The following SLC9C1 variants were observed in gnomAD, a reference collection of about 807,000 sequenced individuals.
The protein encoded by SLC9C1 is solute carrier family 9 member C1.
Under a neutral mutation model 140.9 loss-of-function variants are expected in SLC9C1, and 97 were observed. The observed-to-expected ratio is 0.69, with a 90% CI of 0.58 to 0.82. The LOEUF (loss-of-function observed/expected upper bound fraction) is 0.82, where lower values mean the gene tolerates loss of function less well. SLC9C1 is among the 40% of genes least tolerant of loss of function. SLC9C1 has a pLI of 0.00. For synonymous variants in SLC9C1, 440 were observed against 442.6 expected, an observed-to-expected ratio of 0.99 and a Z score of 0.07; for missense variants, 1,340 against 1,389.3, an observed-to-expected ratio of 0.96 and a Z score of 0.56.
At chr3:112,232,072 T>C (rs561159869) in intron 12 of SLC9C1, among the ~76,000 whole-genome samples, 28 of 152,278 alleles carry the variant, frequency 1.8e-4, no homozygotes, top group African/African-American at 6.3e-4. Flanking sequence ...ATGCTCAAAA[T>C]TACAAAGCTA....
intron 28 of SLC9C1, among the ~76,000 whole-genome samples, chr3:112,150,864 G>A (rs1250651862): frequency 1.5e-5 from 2 of 130,526 alleles, no homozygotes; most frequent in Non-Finnish European, 3.1e-5. Context: ...TTGAGATGAA[G>A]TCTCACTCTG....
rs776780113 is a variant in SLC9C1 at position 112,204,294 on chromosome 3, T to C, written c.2096A>G (p.Lys699Arg). Reference sequence around the variant, plus strand: ...TACTTCAGTCTCATTAAAAATATACTTAATGGTGTCTATTTCAATAAGTAT... The same window carrying C: ...TACTTCAGTCTCATTAAAAATATACCTAATGGTGTCTATTTCAATAAGTAT... ...HVILIEIDTI[K>R]YIFNETEVIV... The change falls in exon 17 of 29, where the codon AAG becomes AGG. Residue 699 changes from lysine to arginine, a missense_variant. By Grantham distance (26) the Lys-to-Arg change is conservative (BLOSUM62 2). Coordinates refer to ENST00000305815, the MANE Select transcript of SLC9C1 (RefSeq NM_183061.3). 1.1e-5 allele frequency: 17 copies of C among 1,562,130 alleles called. No homozygotes were observed. The highest frequency in any genetic ancestry group is 1.5e-5 in the Non-Finnish European group (17 of 1,162,188).
intron 12 of SLC9C1, among the ~76,000 whole-genome samples, chr3:112,234,169 CCATCCTAAGTG>C (rs1279216351): frequency 6.6e-6 from 1 of 152,128 alleles, no homozygotes; most frequent in Non-Finnish European, 1.5e-5. Context: ...TTAATGATCG[CCATCCTAAGTG>C]GTATGAGATG....
In SLC9C1 at chr3:112,278,839, C is replaced by T. The variant is rs776718397; in HGVS notation, c.208G>A (p.Ala70Thr). Residue 70 changes from alanine (A) to threonine (T), a missense_variant, in exon 4 of 29, where the codon GCC (alanine) becomes ACC (threonine). Transcript: ENST00000305815. ...AAGTCTGGACTCATCCATTGTATGG[C>T]GTTTGCGTATCTTTGGACCTAATAT... ...TSSQVQRYAN[A>T]IQWMSPDLFF... 24 of 1,605,074 alleles carry T rather than the reference C, an allele frequency of 1.5e-5. No homozygotes were observed. The highest frequency in any genetic ancestry group is 5.6e-5 in the South Asian group (5 of 89,176).
intron 17 of SLC9C1, 42 bp downstream of exon 17, chr3:112,204,176 A>G (rs756570586): frequency 1.4e-6 from 2 of 1,410,208 alleles, no homozygotes; most frequent in African/African-American, 3.0e-5. Flanking sequence ...TTATGAAACA[A>G]TCAGTAGGAA....
At chr3:112,286,995 G>A in intron 1 of SLC9C1, 117 bp from the exon 2 acceptor site, 2 of 437,188 alleles carry the variant, frequency 4.6e-6, no homozygotes, top group Non-Finnish European at 4.0e-6. Context: ...CCAAATTTAG[G>A]GATGCCTCTC....
intron 16 of SLC9C1, among the ~76,000 whole-genome samples, chr3:112,207,769 A>G (rs1004206104): frequency 6.6e-6 from 1 of 152,178 alleles, no homozygotes; most frequent in African/African-American, 2.4e-5. Context: ...ACTATTCTGC[A>G]TAAGAAGCTC....
At chr3:112,141,779 A>C (rs1383014038) in intron 28 of SLC9C1, among the ~76,000 whole-genome samples, 2 of 152,200 alleles carry the variant, frequency 1.3e-5, no homozygotes, top group Non-Finnish European at 2.9e-5. Flanking sequence ...AAAATAAGAG[A>C]AGTGATCAAA....
intron 26 of SLC9C1, among the ~76,000 whole-genome samples, chr3:112,155,910 G>C (rs72944210): frequency 6.6e-6 from 1 of 151,992 alleles, no homozygotes; most frequent in African/African-American, 2.4e-5. Context: ...TATTTTGGGG[G>C]TACATATAAT....
Position 112,199,432 on chromosome 3 carries a change from A to T in SLC9C1, c.2412T>A (p.Thr804=). Residue 804 remains threonine (T), a synonymous_variant, in exon 20 of 29, where the codon ACT becomes ACA. Coordinates refer to ENST00000305815, the MANE Select transcript of SLC9C1 (RefSeq NM_183061.3). The part of the protein sequence containing the change: ...LEYDHPEIAV[T]VKTKEEINVM... ...CATTAATTTCTTCCTTTGTTTTCACAGTGACAGCAATTTCTGGGTGATCAT... is the reference window on the plus strand; with the variant it reads ...CATTAATTTCTTCCTTTGTTTTCACTGTGACAGCAATTTCTGGGTGATCAT... The T allele has an allele frequency of 6.3e-7, 1 of 1,596,526 alleles. No individual in the cohort carries two copies. The highest frequency in any genetic ancestry group is 8.5e-7 in the Non-Finnish European group (1 of 1,172,634).
At chr3:112,277,395 G>A (rs996829341) in intron 5 of SLC9C1, among the ~76,000 whole-genome samples, 15 of 152,248 alleles carry the variant, frequency 9.9e-5, no homozygotes, top group African/African-American at 3.4e-4. Flanking sequence ...ATATTGTAAC[G>A]TCCCAGAACT....
At chr3:112,226,440 G>A (rs2078683887) in intron 13 of SLC9C1, among the ~76,000 whole-genome samples, 1 of 152,078 alleles carries the variant, frequency 6.6e-6, no homozygotes, top group Non-Finnish European at 1.5e-5. Flanking sequence ...ATAGACAGAG[G>A]GCCAGGTGTG....
chr3:112,141,804 C>T (rs896268646), intron 28 of SLC9C1, among the ~76,000 whole-genome samples: 1 of 152,196 alleles, frequency 6.6e-6, no homozygotes, highest in African/African-American at 2.4e-5. Context: ...CTCCTATTCT[C>T]ATCCTTCTAA....
chr3:112,243,326 T>C (rs36038789), intron 11 of SLC9C1, among the ~76,000 whole-genome samples: 44,931 of 152,132 alleles, frequency 0.3, 6,826 homozygotes, highest in East Asian at 0.36. Flanking sequence ...TTGAATACTA[T>C]GCAGCCATAA....
chr3:112,171,241 G>A (rs115271609), intron 23 of SLC9C1, among the ~76,000 whole-genome samples: 1 of 151,860 alleles, frequency 6.6e-6, no homozygotes, highest in Admixed American at 6.6e-5. Context: ...GAAAAGAAAA[G>A]AAAATTTTAG....
At chr3:112,166,700 A>T (rs541178576) in intron 26 of SLC9C1, among the ~76,000 whole-genome samples, 1 of 152,162 alleles carries the variant, frequency 6.6e-6, no homozygotes, top group East Asian at 1.9e-4. Context: ...AATAATTTTT[A>T]AATTTTTAAT....
intron 20 of SLC9C1, among the ~76,000 whole-genome samples, 191 bp downstream of exon 20, chr3:112,199,130 A>G (rs1008365920): frequency 6.6e-5 from 10 of 151,538 alleles, no homozygotes; most frequent in African/African-American, 2.2e-4. Flanking sequence ...AGCAAAAATA[A>G]AAAGAGAAGC....
intron 4 of SLC9C1, 126 bp downstream of exon 4, chr3:112,278,603 A>AT: frequency 9.9e-7 from 1 of 1,005,938 alleles, no homozygotes. Context: ...ATGAAGCTGA[A>AT]TTTATTACTC....
At chr3:112,286,041 G>A (rs1382659342) in intron 2 of SLC9C1, among the ~76,000 whole-genome samples, 1 of 152,122 alleles carries the variant, frequency 6.6e-6, no homozygotes, top group East Asian at 1.9e-4. Context: ...TAGTATTACA[G>A]GTGTGAGCCA....
Sources: allele counts gnomAD v4.1 joint callset (sites outside exome capture counted in the v4.1 genomes callset), GRCh38; gene constraint gnomAD v4.1.1; transcripts MANE v1.5; gene names NCBI Gene and HGNC (gene_info 2026-07-23, HGNC 2026-07-21).